Variants in PCCA observed in about 807,000 individuals in gnomAD.
PCCA encodes propionyl-CoA carboxylase subunit alpha, also known as propionyl-CoA carboxylase alpha chain, mitochondrial.
A neutral mutation model predicts 101.3 loss-of-function variants in PCCA; 74 were observed. The ratio of observed to expected loss-of-function variants is 0.73; its 90% CI spans 0.61 to 0.89. PCCA has a LOEUF of 0.89. Ranked by LOEUF, PCCA falls within the 40% of genes least tolerant of loss-of-function variation. PCCA has a pLI of 0.00. For missense variants in PCCA, 891 were observed against 907.0 expected (o/e 0.98, Z 0.23); for synonymous variants, 294 against 313.6 (o/e 0.94, Z 0.66).
intron 19 of PCCA, among the ~76,000 whole-genome samples, chr13:100,420,496 C>G (rs2078674859): frequency 6.6e-6 from 1 of 152,112 alleles, no homozygotes; most frequent in Non-Finnish European, 1.5e-5. Flanking sequence ...GGGAGGATTA[C>G]TTGAGCCTGG....
At chr13:100,173,419 C>T (rs949163753) in intron 6 of PCCA, among the ~76,000 whole-genome samples, 35 of 152,180 alleles carry the variant, frequency 2.3e-4, no homozygotes, top group Non-Finnish European at 5.1e-4. Flanking sequence ...GGATGACGAG[C>T]TGCAGACATT....
At chr13:100,187,921 G>C (rs1189571689) in intron 6 of PCCA, among the ~76,000 whole-genome samples, 1 of 143,994 alleles carries the variant, frequency 6.9e-6, no homozygotes, top group Non-Finnish European at 1.5e-5. Flanking sequence ...TTTCCCCCAA[G>C]TCCCCAAAGT....
chr13:100,330,481 A>T (rs1299457758), intron 16 of PCCA, 80 bp from the exon 17 acceptor site: 7 of 831,982 alleles, frequency 8.4e-6, no homozygotes, highest in East Asian at 5.0e-5. Context: ...TAGAACAGTG[A>T]TGATAAATTT....
intron 8 of PCCA, among the ~76,000 whole-genome samples, chr13:100,239,182 T>C (rs935520112): frequency 6.6e-6 from 1 of 152,238 alleles, no homozygotes; most frequent in Non-Finnish European, 1.5e-5. Context: ...TTTCTAATGC[T>C]AATTCTTGGG....
intron 15 of PCCA, 81 bp from the exon 16 acceptor site, chr13:100,309,752 T>C (rs940495886): frequency 1.1e-6 from 1 of 917,976 alleles, no homozygotes; most frequent in African/African-American, 1.7e-5. Flanking sequence ...TTATGAAATA[T>C]TTTAATTTTT....
intron 6 of PCCA, among the ~76,000 whole-genome samples, chr13:100,163,661 T>C (rs1174741790): frequency 6.6e-5 from 10 of 152,148 alleles, no homozygotes; most frequent in Admixed American, 6.6e-4. Context: ...TACAATTGAG[T>C]GATTTGTAGT....
At chr13:100,268,828 T>TTTCATTCATTCA (rs113891803) in intron 11 of PCCA, 45 bp downstream of exon 11, 4 of 1,203,856 alleles carry the variant, frequency 3.3e-6, no homozygotes, top group Non-Finnish European at 4.9e-6. Context: ...CTTTTATGCA[T>TTTCATTCATTCA]TTCATTCATT....
At chr13:100,518,540 A>G (rs2087003389) in intron 22 of PCCA, among the ~76,000 whole-genome samples, 1 of 152,212 alleles carries the variant, frequency 6.6e-6, no homozygotes, top group African/African-American at 2.4e-5. Context: ...TGTCTGTTAT[A>G]TACTATTTAA....
chr13:100,181,080 C>CT (rs1379161269), intron 6 of PCCA, among the ~76,000 whole-genome samples: 2 of 152,174 alleles, frequency 1.3e-5, no homozygotes, highest in Non-Finnish European at 2.9e-5. Context: ...TTAGTTGCTG[C>CT]TGGCAGCCAT....
intron 21 of PCCA, among the ~76,000 whole-genome samples, chr13:100,476,185 T>G (rs1299863072): frequency 6.6e-6 from 1 of 152,198 alleles, no homozygotes; most frequent in South Asian, 2.1e-4. Context: ...AAGAGAAAAT[T>G]AATGCTGTTT....
chr13:100,090,780 G>GT (rs1473213074), intron 1 of PCCA, among the ~76,000 whole-genome samples: 3 of 152,156 alleles, frequency 2.0e-5, no homozygotes, highest in African/African-American at 7.2e-5. Flanking sequence ...CACAACAGTC[G>GT]TATGTCCCCC....
intron 1 of PCCA, among the ~76,000 whole-genome samples, chr13:100,093,789 A>G (rs1374426477): frequency 6.6e-6 from 1 of 152,092 alleles, no homozygotes; most frequent in Non-Finnish European, 1.5e-5. Flanking sequence ...TAAAATAAAA[A>G]TTAGCTGGGT....
intron 19 of PCCA, among the ~76,000 whole-genome samples, chr13:100,393,503 C>G (rs1162166936): frequency 1.3e-5 from 2 of 148,862 alleles, no homozygotes; most frequent in African/African-American, 5.0e-5. Flanking sequence ...ACTGCAACCT[C>G]TGCCTCCCGG....
In PCCA at chr13:100,244,776, C is replaced by T. The variant is rs79053859; in HGVS notation, c.637+8898C>T. 3.3e-5 allele frequency among the ~76,000 whole-genome samples: 5 copies of T among 151,446 alleles called. No homozygotes were observed. The East Asian group carries it at 9.7e-4, about 29-fold the overall frequency. On this transcript the variant is annotated intron_variant, in intron 8 of 23. Transcript: ENST00000376285. ...CAAAATCAGTTTTTCCTTTCTCTGC[C>T]AAAGAAATAGTGTCATAAAATAGTG... is the stretch of plus-strand genomic sequence containing the variant.
intron 22 of PCCA, among the ~76,000 whole-genome samples, chr13:100,526,949 G>A (rs2087881044): frequency 1.3e-5 from 2 of 152,256 alleles, no homozygotes; most frequent in African/African-American, 4.8e-5. Context: ...AGTCATTCCT[G>A]TGTCTGGAGG....
intron 7 of PCCA, among the ~76,000 whole-genome samples, chr13:100,231,706 C>A (rs1257451002): frequency 3.3e-5 from 5 of 152,136 alleles, no homozygotes; most frequent in Non-Finnish European, 4.4e-5. Context: ...CCTTTTCCTA[C>A]AACTTTTAAT....
At chr13:100,272,845 A>AGTAAGT (rs1010502233) in intron 11 of PCCA, among the ~76,000 whole-genome samples, 2 of 152,182 alleles carry the variant, frequency 1.3e-5, no homozygotes, top group African/African-American at 4.8e-5. Flanking sequence ...GTTAGATACT[A>AGTAAGT]ATAAGTTATT....
intron 21 of PCCA, among the ~76,000 whole-genome samples, chr13:100,472,183 C>T (rs2083071572): frequency 6.6e-6 from 1 of 152,154 alleles, no homozygotes; most frequent in South Asian, 2.1e-4. Flanking sequence ...TAGTCTGAGC[C>T]ACTCTACATT....
intron 4 of PCCA, among the ~76,000 whole-genome samples, chr13:100,153,631 A>T (rs2152380566): frequency 6.6e-6 from 1 of 152,304 alleles, no homozygotes; most frequent in Admixed American, 6.5e-5. Context: ...AGGAGGGGGC[A>T]TCCTGGTCTG....
Sources: gnomAD v4.1 joint callset for allele counts (sites outside exome capture counted in the v4.1 genomes callset) on GRCh38, gnomAD v4.1.1 for gene constraint, MANE v1.5 for transcripts, NCBI Gene and HGNC (gene_info 2026-07-23, HGNC 2026-07-21) for gene names.